Variants in NBAS observed in about 807,000 individuals in gnomAD.
NBAS encodes NAG/BC035112 fusion.
A neutral mutation model predicts 302.5 loss-of-function variants in NBAS; 219 were observed. The observed-to-expected ratio is 0.72, with a 90% CI of 0.65 to 0.81. The LOEUF is 0.81. Ranked by LOEUF, NBAS falls within the 30% of genes least tolerant of loss-of-function variation. The pLI, the probability that NBAS is intolerant of heterozygous loss-of-function variation, is 0.00. For synonymous variants in NBAS, 1,118 were observed against 1,021.6 expected, an observed-to-expected ratio of 1.09 and a Z score of -1.80; for missense variants, 2,932 against 2,841.6, an observed-to-expected ratio of 1.03 and a Z score of -0.72.
At chr2:15,381,937 T>G (rs887605612) in intron 29 of NBAS, among the ~76,000 whole-genome samples, 17 of 152,178 alleles carry the variant, frequency 1.1e-4, no homozygotes, top group African/African-American at 4.1e-4. Flanking sequence ...ACAATTCTGA[T>G]TTCATCAATG....
At chr2:15,233,113 C>A (rs1470967550) in intron 46 of NBAS, among the ~76,000 whole-genome samples, 2 of 152,152 alleles carry the variant, frequency 1.3e-5, no homozygotes, top group Non-Finnish European at 2.9e-5. Context: ...CGGTTCCTTT[C>A]ATGTCTTTGT....
chr2:14,919,659 C>G, the NBAS span, among the ~76,000 whole-genome samples: 1 of 152,050 alleles, frequency 6.6e-6, no homozygotes, highest in African/African-American at 2.4e-5. Flanking sequence ...TAATCTAAAT[C>G]CTTTCTAGTC....
the NBAS span, among the ~76,000 whole-genome samples, chr2:14,864,529 T>A: frequency 6.6e-6 from 1 of 152,162 alleles, no homozygotes. Context: ...TTTTCTAAAC[T>A]CAGAATCCTT....
At chr2:15,423,518 T>TTGAAGCTCTGACC (rs1677309929) in intron 23 of NBAS, among the ~76,000 whole-genome samples, 1 of 152,198 alleles carries the variant, frequency 6.6e-6, no homozygotes, top group Admixed American at 6.5e-5. Flanking sequence ...TGTCACTGAC[T>TTGAAGCTCTGACC]TGAAGCTCAA....
At chr2:14,915,017 G>T in the NBAS span, among the ~76,000 whole-genome samples, 1 of 152,152 alleles carries the variant, frequency 6.6e-6, no homozygotes, top group Non-Finnish European at 1.5e-5. Flanking sequence ...TATGGTATTT[G>T]TTATGCAGCA....
chr2:14,788,799 A>G, the NBAS span, among the ~76,000 whole-genome samples: 1 of 152,186 alleles, frequency 6.6e-6, no homozygotes, highest in East Asian at 1.9e-4. Context: ...CCACTTGAGG[A>G]GGCAGTCTGC....
At chr2:14,822,529 C>T in the NBAS span, among the ~76,000 whole-genome samples, 1 of 152,132 alleles carries the variant, frequency 6.6e-6, no homozygotes, top group Non-Finnish European at 1.5e-5. Context: ...CATTTCAGAC[C>T]TCCAAAGGTC....
intron 11 of NBAS, among the ~76,000 whole-genome samples, chr2:15,491,653 G>A (rs563458351): frequency 3.0e-4 from 46 of 152,010 alleles, no homozygotes; most frequent in African/African-American, 1.0e-3. Flanking sequence ...GGTGAATGGC[G>A]TGAACCAAGG....
intron 44 of NBAS, among the ~76,000 whole-genome samples, chr2:15,267,227 G>A (rs111906239): frequency 1.3e-4 from 20 of 152,098 alleles, no homozygotes; most frequent in African/African-American, 4.1e-4. Flanking sequence ...TATGAGCTTC[G>A]CAAAGGCAAG....
the NBAS span, among the ~76,000 whole-genome samples, chr2:15,002,523 G>T: frequency 6.6e-6 from 1 of 152,174 alleles, no homozygotes; most frequent in African/African-American, 2.4e-5. Context: ...CCAGTCCCAC[G>T]CCGTGCGCCC....
chr2:15,190,735 C>A (rs1665312754), intron 48 of NBAS, among the ~76,000 whole-genome samples: 1 of 152,084 alleles, frequency 6.6e-6, no homozygotes, highest in South Asian at 2.1e-4. Context: ...TTTCACCATC[C>A]TCAACATTAG....
chr2:15,457,306 A>G (rs1458724062), intron 21 of NBAS, among the ~76,000 whole-genome samples: 2 of 152,206 alleles, frequency 1.3e-5, no homozygotes, highest in Non-Finnish European at 2.9e-5. Flanking sequence ...CTTGCAAAAT[A>G]TAAGTGGAGG....
intron 35 of NBAS, among the ~76,000 whole-genome samples, chr2:15,342,134 C>T (rs1572688858): frequency 6.6e-6 from 1 of 152,080 alleles, no homozygotes; most frequent in East Asian, 1.9e-4. Flanking sequence ...ATCCCAGGAG[C>T]CCATTTCTAC....
At chr2:14,993,161 T>C in the NBAS span, among the ~76,000 whole-genome samples, 2 of 152,182 alleles carry the variant, frequency 1.3e-5, no homozygotes, top group African/African-American at 4.8e-5. Context: ...AGCACCTCAC[T>C]GGATTCTCAC....
At chr2:15,357,731 T>C (rs1253803800) in intron 32 of NBAS, among the ~76,000 whole-genome samples, 2 of 152,124 alleles carry the variant, frequency 1.3e-5, no homozygotes, top group Non-Finnish European at 1.5e-5. Flanking sequence ...ATTTACAATA[T>C]CTTTAAAGCA....
At chr2:14,919,253 G>C in the NBAS span, among the ~76,000 whole-genome samples, 2 of 152,104 alleles carry the variant, frequency 1.3e-5, no homozygotes, top group African/African-American at 4.8e-5. Context: ...ACATATAAAA[G>C]ATATGTTTAC....
the NBAS span, among the ~76,000 whole-genome samples, chr2:15,134,965 C>T: frequency 6.6e-6 from 1 of 152,118 alleles, no homozygotes; most frequent in Non-Finnish European, 1.5e-5. Flanking sequence ...GCCATTCCCC[C>T]GTCTTGCTTT....
the NBAS span, among the ~76,000 whole-genome samples, chr2:14,807,976 A>G: frequency 6.6e-6 from 1 of 152,144 alleles, no homozygotes; most frequent in East Asian, 1.9e-4. Context: ...CAAACTTTAA[A>G]TATTCATATA....
intron 35 of NBAS, among the ~76,000 whole-genome samples, chr2:15,334,371 G>A (rs1403247806): frequency 7.9e-5 from 12 of 151,862 alleles, no homozygotes; most frequent in African/African-American, 2.4e-4. Context: ...TGTATTTTTC[G>A]TAGAGATGGA....
Sources: gnomAD v4.1 joint callset for allele counts (sites outside exome capture counted in the v4.1 genomes callset) on GRCh38, gnomAD v4.1.1 for gene constraint, MANE v1.5 for transcripts, NCBI Gene and HGNC (gene_info 2026-07-23, HGNC 2026-07-21) for gene names.